The following ATF3 variants were observed in gnomAD, a reference collection of about 807,000 sequenced individuals.
The protein encoded by ATF3 is cyclic AMP-dependent transcription factor ATF-3.
In ATF3, 10 loss-of-function variants were observed where a neutral mutation model predicts 18.4. The ratio of observed to expected loss-of-function variants is 0.54; its 90% CI spans 0.34 to 0.92. The LOEUF is 0.92. ATF3 is among the 40% of genes least tolerant of loss of function. The probability of loss-of-function intolerance (pLI) is 0.02; values close to 1 mark genes in which losing one functional copy is unlikely to be tolerated. For synonymous variants in ATF3, 78 were observed against 87.9 expected (o/e 0.89, Z 0.63); for missense variants, 183 against 222.3 (o/e 0.82, Z 1.12).
chr1:212,612,922 C>G (rs1361943993), intron 1 of ATF3, among the ~76,000 whole-genome samples: 2 of 152,170 alleles, frequency 1.3e-5, no homozygotes, highest in Non-Finnish European at 2.9e-5. Context: ...TCATGGAGCT[C>G]CTGGCCAAAG....
rs147626474 is a variant in ATF3 at position 212,579,772 on chromosome 1, A to T, written c.-5+14289A>T. Among the ~76,000 whole-genome samples the T allele has an allele frequency of 6.0e-3, 917 of 152,326 alleles. 9 individuals are homozygous for T. Among genetic ancestry groups the T allele is most frequent in the African/African-American group, 0.021 (885 of 41,560 alleles). ...ATCCAGATGTGATGGCTGCTTCATT[A>T]GCCTGGGCTCTGAGAAAAACAGCAG... On this transcript the variant is annotated intron_variant, in intron 1 of 3. Transcript: ENST00000366981.
chr1:212,588,144 T>C (rs1664814015), intron 1 of ATF3, among the ~76,000 whole-genome samples: 1 of 152,130 alleles, frequency 6.6e-6, no homozygotes, highest in Non-Finnish European at 1.5e-5. Context: ...CCTCTCTCCT[T>C]GAGAAGCTTG....
intron 1 of ATF3, among the ~76,000 whole-genome samples, chr1:212,611,203 T>C (rs1434075543): frequency 6.6e-6 from 1 of 152,198 alleles, no homozygotes; most frequent in African/African-American, 2.4e-5. Context: ...CATCAGCAAA[T>C]AGTGGGGTGA....
intron 1 of ATF3, among the ~76,000 whole-genome samples, chr1:212,596,354 A>G (rs1664993783): frequency 1.3e-5 from 2 of 152,218 alleles, no homozygotes. Flanking sequence ...AATATTTATG[A>G]ATCAGAGAGA....
At chr1:212,592,077 C>T (rs1481341548) in intron 1 of ATF3, among the ~76,000 whole-genome samples, 10 of 152,172 alleles carry the variant, frequency 6.6e-5, no homozygotes, top group Admixed American at 6.5e-4. Flanking sequence ...ACACTGTGTG[C>T]AACCATCACC....
chr1:212,619,857 T>A lies in ATF3; in HGVS notation c.*302T>A. 3.0e-6 allele frequency: 1 copy of A among 328,854 alleles called. No homozygotes were observed. Among genetic ancestry groups the A allele is most frequent in the Non-Finnish European group, 6.0e-6 (1 of 167,782 alleles). 20.4% of individuals were successfully genotyped at this position (328,854 alleles called of 1,614,324 possible). Reference sequence around the variant, plus strand: ...TCCTGCCCGCCTTTCATCTGGATTCTACAAAAAACCAGGATGCCCACCGTT... The same window carrying A: ...TCCTGCCCGCCTTTCATCTGGATTCAACAAAAAACCAGGATGCCCACCGTT... On this transcript the variant is annotated 3_prime_UTR_variant, in exon 4 of 4. Coordinates refer to ENST00000341491, the MANE Select transcript of ATF3 (RefSeq NM_001674.4). This position sits in a 1 kb window ranked among gnomAD's most constrained non-coding sequence, Gnocchi z 4.4.
At chr1:212,581,842 A>G (rs1290478843) in intron 1 of ATF3, among the ~76,000 whole-genome samples, 4 of 152,232 alleles carry the variant, frequency 2.6e-5, no homozygotes, top group Admixed American at 6.5e-5. Flanking sequence ...AAAGGATATA[A>G]TTGCATATTC....
At chr1:212,575,981 A>G (rs1158736420) in intron 1 of ATF3, among the ~76,000 whole-genome samples, 1 of 152,144 alleles carries the variant, frequency 6.6e-6, no homozygotes, top group East Asian at 1.9e-4. Flanking sequence ...ATCTCAAAAA[A>G]TAAGTTCGGA....
chr1:212,609,833 C>G (rs540950185), intron 1 of ATF3, among the ~76,000 whole-genome samples: 31 of 152,216 alleles, frequency 2.0e-4, no homozygotes, highest in Admixed American at 6.5e-4. Context: ...CAATCGATGT[C>G]GTTGGGCCTC....
intron 1 of ATF3, among the ~76,000 whole-genome samples, chr1:212,581,837 A>T (rs1333596256): frequency 6.6e-6 from 1 of 152,250 alleles, no homozygotes; most frequent in Non-Finnish European, 1.5e-5. Context: ...TAGATAAAGG[A>T]TATAATTGCA....
intron 1 of ATF3, among the ~76,000 whole-genome samples, chr1:212,601,178 A>G (rs1203496192): frequency 3.9e-5 from 6 of 152,222 alleles, no homozygotes; most frequent in Admixed American, 2.0e-4. Flanking sequence ...TTTTGGGAAA[A>G]GAATAAAAGT....
intron 1 of ATF3, among the ~76,000 whole-genome samples, chr1:212,596,985 G>A (rs1475450500): frequency 2.0e-5 from 3 of 152,224 alleles, no homozygotes; most frequent in Non-Finnish European, 4.4e-5. Context: ...CATACAGTAG[G>A]CACTCAATAC....
intron 1 of ATF3, among the ~76,000 whole-genome samples, chr1:212,610,099 C>T (rs1188444553): frequency 1.3e-5 from 2 of 152,210 alleles, no homozygotes; most frequent in Non-Finnish European, 2.9e-5. Context: ...TCTTTTCCCT[C>T]ACCAGCTTTC....
At chr1:212,568,646 A>G (rs1174926460) in intron 1 of ATF3, among the ~76,000 whole-genome samples, 3 of 152,168 alleles carry the variant, frequency 2.0e-5, no homozygotes, top group Non-Finnish European at 4.4e-5. Context: ...TCCCATCCCA[A>G]ATATTTGAAG....
At chr1:212,573,802 A>G (rs1664524846) in intron 1 of ATF3, among the ~76,000 whole-genome samples, 3 of 151,876 alleles carry the variant, frequency 2.0e-5, no homozygotes, top group African/African-American at 7.2e-5. Flanking sequence ...GATAATGTAT[A>G]TATTTTCAGA....
rs985784564 is a variant in ATF3, at chr1:212,618,060, G to A, written c.241-67G>A. The A allele has an allele frequency of 9.9e-6, 15 of 1,517,926 alleles. No individual in the cohort carries two copies. The African/African-American group carries it at 1.9e-4, about 20-fold the overall frequency. The allele number at this position is 1,517,926 out of a possible 1,614,324, so 94.0% of individuals were successfully genotyped here. A position where few individuals can be genotyped will look rare whatever the true frequency, so the allele number is the denominator to read the frequency against. ...CTGCCAGCTTTTGCTGGCAGTAAAA[G>A]GCAGTGTATTTGAGGTAGGTGGCAT... On this transcript the variant is annotated intron_variant, in intron 2 of 3. Coordinates refer to ENST00000341491, the MANE Select transcript of ATF3 (RefSeq NM_001674.4). The surrounding 1 kb of genome is among the most constrained non-coding windows in gnomAD (Gnocchi z 4.4).
chr1:212,615,115 G>C lies in ATF3; in HGVS notation c.94G>C (p.Glu32Gln). Residue 32 changes from glutamate to glutamine, a missense_variant, in exon 2 of 4, where the codon GAG (glutamate) becomes CAG (glutamine). Physicochemically the swap from Glu to Gln is conservative, Grantham distance 29 (BLOSUM62 2). Transcript: ENST00000341491. ...GTCCCCTCCTGGGTCACTGGTGTTT[G>C]AGGATTTTGCTAACCTGACGCCCTT... ...CLSPPGSLVFEDFANLTPFVK... is the reference protein window; with the variant it reads ...CLSPPGSLVFQDFANLTPFVK... The C allele has an allele frequency of 6.2e-7, 1 of 1,614,196 alleles. No individual in the cohort carries two copies. The highest frequency in any genetic ancestry group is 8.5e-7 in the Non-Finnish European group (1 of 1,180,034).
In ATF3 at chr1:212,615,042, C is replaced by T. The variant is rs765276470; in HGVS notation, c.21C>T (p.Gly7=). Residue 7 remains glycine (G), a synonymous_variant, in exon 2 of 4, where the codon GGC becomes GGT. Coordinates refer to ENST00000341491, the MANE Select transcript of ATF3 (RefSeq NM_001674.4). ...GCAAAATGATGCTTCAACACCCAGGCCAGGTCTCTGCCTCGGAAGTGAGTG... is the reference window on the plus strand; with the variant it reads ...GCAAAATGATGCTTCAACACCCAGGTCAGGTCTCTGCCTCGGAAGTGAGTG... MMLQHP[G]QVSASEVSAS... The T allele has an allele frequency of 4.3e-6, 7 of 1,614,184 alleles. No homozygotes were observed. The highest frequency in any genetic ancestry group is 5.1e-6 in the Non-Finnish European group (6 of 1,180,042).
chr1:212,614,053 A>G (rs1278591314), intron 1 of ATF3: 2 of 152,192 alleles, frequency 1.3e-5, no homozygotes, highest in African/African-American at 2.4e-5. Flanking sequence ...CAGTTGGCCA[A>G]TGAGGCATGG....
Sources: allele counts gnomAD v4.1 joint callset (sites outside exome capture counted in the v4.1 genomes callset), GRCh38; gene constraint gnomAD v4.1.1; non-coding constraint Gnocchi (gnomAD v3.1); transcripts MANE v1.5; gene names NCBI Gene and HGNC (gene_info 2026-07-23, HGNC 2026-07-21).